The following BNC2 variants were observed in gnomAD, a reference collection of about 807,000 sequenced individuals.
BNC2 encodes basonuclin zinc finger protein 2.
A neutral mutation model predicts 76.3 loss-of-function variants in BNC2; 20 were observed. The ratio of observed to expected loss-of-function variants is 0.26; its 90% CI spans 0.18 to 0.38. The LOEUF is 0.38. Among genes scored for constraint, BNC2 ranks in the 10% least tolerant of loss-of-function variants. BNC2 has a pLI of 1.00. For synonymous variants in BNC2, 582 were observed against 514.8 expected (o/e 1.13, Z -1.77); for missense variants, 1,382 against 1,399.8 (o/e 0.99, Z 0.20).
Position 16,436,620 on chromosome 9 carries a change from G to T in BNC2, c.1574C>A (p.Thr525Lys). 1.9e-6 allele frequency: 3 copies of T among 1,614,124 alleles called. No individual in the cohort carries two copies. The highest frequency in any genetic ancestry group is 1.7e-6 in the Non-Finnish European group (2 of 1,180,018). ...GCTTGTGAGTGCCAGATTTGATTTT[G>T]TACTTGCTATGACAGGGGTGGCAGC... ...SGAATPVIAS[T>K]KSNLALTSPG... is the part of the protein sequence containing the mutation. Residue 525 changes from threonine to lysine, a missense_variant, in exon 6 of 7, where the codon ACA becomes AAA. This residue lies in a region of BNC2 where 798 missense variants were observed against 775.5 expected (regional missense o/e 1.03). Transcript: ENST00000380672.
At chr9:16,634,502 CTTTT>C (rs544660364) in intron 3 of BNC2, among the ~76,000 whole-genome samples, 2 of 135,974 alleles carry the variant, frequency 1.5e-5, no homozygotes, top group Non-Finnish European at 3.1e-5. Flanking sequence ...CTTCAAATAT[CTTTT>C]TTTTTTTTTT....
chr9:16,481,832 TAC>T (rs1335495671), intron 5 of BNC2, among the ~76,000 whole-genome samples: 1 of 152,290 alleles, frequency 6.6e-6, no homozygotes, highest in East Asian at 1.9e-4. Flanking sequence ...CACAAACACA[TAC>T]AGTCCAATAT....
chr9:16,817,426 A>G (rs572444098), intron 1 of BNC2, among the ~76,000 whole-genome samples: 1 of 152,338 alleles, frequency 6.6e-6, no homozygotes, highest in South Asian at 2.1e-4. Flanking sequence ...TTATACTGCT[A>G]TGGATGTCTG....
intron 3 of BNC2, among the ~76,000 whole-genome samples, chr9:16,651,388 C>G (rs1002194861): frequency 1.3e-5 from 2 of 152,178 alleles, no homozygotes; most frequent in Admixed American, 1.3e-4. Flanking sequence ...CCCTTTATTA[C>G]TCTGACAGAT....
intron 1 of BNC2, among the ~76,000 whole-genome samples, chr9:16,793,854 G>GTTTT (rs1220978278): frequency 9.3e-5 from 8 of 85,628 alleles, no homozygotes; most frequent in African/African-American, 1.9e-4. Flanking sequence ...GTTTTTTGTG[G>GTTTT]TTTTTGTTTT....
At chr9:16,537,078 A>T (rs1818152704) in intron 5 of BNC2, among the ~76,000 whole-genome samples, 1 of 152,134 alleles carries the variant, frequency 6.6e-6, no homozygotes, top group African/African-American at 2.4e-5. Context: ...TCCTAAGCAG[A>T]AAAATATTCC....
At chr9:16,491,717 C>A (rs1298796236) in intron 5 of BNC2, among the ~76,000 whole-genome samples, 1 of 152,142 alleles carries the variant, frequency 6.6e-6, no homozygotes, top group African/African-American at 2.4e-5. Flanking sequence ...TGTGCACTCG[C>A]TCATTAGGGG....
rs748053541 is a variant in BNC2, at chr9:16,468,040, C to CTT, written c.670-30518_670-30517dup. Reference sequence around the variant, plus strand: ...CTCCTAATCTCATTTCTTTCTTTCTCTTTTTTTTTTTTTTTTTTTGAGACA... The same window carrying CTT: ...CTCCTAATCTCATTTCTTTCTTTCTCTTTTTTTTTTTTTTTTTTTTTGAGACA... On this transcript the variant is annotated intron_variant, in intron 5 of 6. Transcript: ENST00000380672. Among the ~76,000 whole-genome samples the CTT allele has an allele frequency of 4.7e-4, 61 of 129,522 alleles. 1 individual carries two copies. The highest frequency in any genetic ancestry group is 2.6e-3 in the South Asian group (10 of 3,890). 85.0% of individuals were successfully genotyped at this position (129,522 alleles called of 152,430 possible). A position where few individuals can be genotyped will look rare whatever the true frequency, so the allele number is the denominator to read the frequency against.
intron 3 of BNC2, among the ~76,000 whole-genome samples, chr9:16,600,879 T>A (rs1302315292): frequency 6.6e-6 from 1 of 152,160 alleles, no homozygotes; most frequent in African/African-American, 2.4e-5. Context: ...CTACCTTTCA[T>A]CTGAAATAAT....
At chr9:16,800,273 G>A (rs1817749559) in intron 1 of BNC2, among the ~76,000 whole-genome samples, 1 of 151,790 alleles carries the variant, frequency 6.6e-6, no homozygotes, top group South Asian at 2.1e-4. Flanking sequence ...GCATGGGATG[G>A]CAGGTGGATG....
intron 5 of BNC2, among the ~76,000 whole-genome samples, chr9:16,448,660 A>G (rs112858664): frequency 1.0e-3 from 154 of 152,340 alleles, no homozygotes; most frequent in African/African-American, 3.6e-3. Context: ...TGAGTATTCC[A>G]TAAAACACAC....
At chr9:16,693,831 A>G (rs1362705209) in intron 3 of BNC2, among the ~76,000 whole-genome samples, 1 of 152,232 alleles carries the variant, frequency 6.6e-6, no homozygotes, top group Non-Finnish European at 1.5e-5. Context: ...TGCTGCAAAC[A>G]TTAGAAAGAA....
intron 1 of BNC2, among the ~76,000 whole-genome samples, chr9:16,811,230 CAAAA>C (rs58068661): frequency 1.0e-5 from 1 of 97,546 alleles, no homozygotes; most frequent in Non-Finnish European, 2.2e-5. Context: ...CTCAAAAGAC[CAAAA>C]AAAAAAAAAA....
intron 5 of BNC2, among the ~76,000 whole-genome samples, chr9:16,528,155 T>C (rs1817869036): frequency 6.6e-6 from 1 of 152,222 alleles, no homozygotes; most frequent in South Asian, 2.1e-4. Flanking sequence ...GTTTGGTCTT[T>C]ACAATTTTGA....
In BNC2 at chr9:16,411,924, A is replaced by G. The variant is rs187389867; in HGVS notation, c.*7065T>C. On this transcript the variant is annotated 3_prime_UTR_variant, in exon 7 of 7. Coordinates refer to ENST00000380672, the MANE Select transcript of BNC2 (RefSeq NM_017637.6). ...CATGGCATCCCCTAGTCCCAGAAAG[A>G]AGACGCTTGATAGATCTTGCACTTC... 2 of 152,358 alleles carry G rather than the reference A, an allele frequency of 1.3e-5. No individual in the cohort carries two copies. Among genetic ancestry groups the G allele is most frequent in the Non-Finnish European group, 2.9e-5 (2 of 68,034 alleles). 9.4% of individuals were successfully genotyped at this position (152,358 alleles called of 1,614,324 possible).
At chr9:16,581,776 T>A (rs1021457634) in intron 4 of BNC2, among the ~76,000 whole-genome samples, 1 of 152,182 alleles carries the variant, frequency 6.6e-6, no homozygotes, top group African/African-American at 2.4e-5. Context: ...CATCTGTTGT[T>A]CAAGACTGGA....
chr9:16,671,244 C>A (rs189446368), intron 3 of BNC2, among the ~76,000 whole-genome samples: 1 of 152,218 alleles, frequency 6.6e-6, no homozygotes, highest in African/African-American at 2.4e-5. Flanking sequence ...TAAGGGCCCA[C>A]ATCACATCGG....
chr9:16,753,833 A>G (rs904789889), intron 1 of BNC2, among the ~76,000 whole-genome samples: 3 of 149,636 alleles, frequency 2.0e-5, no homozygotes, highest in Admixed American at 6.7e-5. Flanking sequence ...ACAGAGTTCT[A>G]TTCTTTTTGA....
intron 2 of BNC2, among the ~76,000 whole-genome samples, chr9:16,729,993 C>G (rs1329277325): frequency 3.3e-5 from 5 of 152,106 alleles, no homozygotes; most frequent in Admixed American, 6.5e-5. Context: ...CTCGCCCTCT[C>G]CTTGTCTCTT....
Sources: gnomAD v4.1 joint callset for allele counts (sites outside exome capture counted in the v4.1 genomes callset) on GRCh38, gnomAD v4.1.1 for gene constraint, gnomAD v4.1.1 regional missense constraint, MANE v1.5 for transcripts, NCBI Gene and HGNC (gene_info 2026-07-23, HGNC 2026-07-21) for gene names.